The following PCIF1 variants were observed in gnomAD, a reference collection of about 807,000 sequenced individuals.
PCIF1 encodes the protein mRNA (2'-O-methyladenosine-N(6)-)-methyltransferase.
In PCIF1, 12 loss-of-function variants were observed where a neutral mutation model predicts 86.9. The observed-to-expected ratio is 0.14, with a 90% confidence interval of 0.09 to 0.22. The LOEUF (loss-of-function observed/expected upper bound fraction) is 0.22. Ranked by LOEUF, PCIF1 falls within the 10% of genes least tolerant of loss-of-function variation. The pLI, the probability that PCIF1 is intolerant of heterozygous loss-of-function variation, is 1.00. For missense variants in PCIF1, 701 were observed against 951.1 expected (o/e 0.74, Z 3.46); for synonymous variants, 397 against 372.0 (o/e 1.07, Z -0.77).
At position 45,947,477 on chromosome 20, in the gene PCIF1, G is replaced by C. The variant is rs778151642; in HGVS notation, c.1883+39G>C. ...AGGGCAGGGGAAGGAGGCTGGGCTGGCCAGGCCAGGCCCAGCCCCACCCTG... is the reference window on the plus strand; with the variant it reads ...AGGGCAGGGGAAGGAGGCTGGGCTGCCCAGGCCAGGCCCAGCCCCACCCTG... On this transcript the variant is annotated intron_variant, in intron 16 of 16. Coordinates refer to ENST00000372409, the MANE Select transcript of PCIF1 (RefSeq NM_022104.4). The surrounding 1 kb of genome is among the most constrained non-coding windows in gnomAD (Gnocchi z 5.4). 1 of 1,612,944 alleles carries C rather than the reference G, an allele frequency of 6.2e-7. No individual in the cohort carries two copies. Among genetic ancestry groups the C allele is most frequent in the Non-Finnish European group, 8.5e-7 (1 of 1,179,826 alleles).
chr20:45,947,979 A>G lies in PCIF1; in HGVS notation c.*224A>G. 1 of 1,525,284 alleles carries G rather than the reference A, an allele frequency of 6.6e-7. No individual in the cohort carries two copies. Among genetic ancestry groups the G allele is most frequent in the Non-Finnish European group, 8.8e-7 (1 of 1,139,988 alleles). 94.5% of individuals were successfully genotyped at this position (1,525,284 alleles called of 1,614,324 possible). On this transcript the variant is annotated 3_prime_UTR_variant, in exon 17 of 17. Transcript: ENST00000372409. The surrounding 1 kb of genome is among the most constrained non-coding windows in gnomAD (Gnocchi z 5.4). Reference sequence around the variant, plus strand: ...CAACCCCGCCCCTCACCCTGTTGCCACCTTGTTTCATTTGTAAAAGGAAAT... The same window carrying G: ...CAACCCCGCCCCTCACCCTGTTGCCGCCTTGTTTCATTTGTAAAAGGAAAT...
chr20:45,945,596 G>T, intron 11 of PCIF1, 115 bp from the exon 12 acceptor site: 1 of 1,279,250 alleles, frequency 7.8e-7, no homozygotes, highest in Non-Finnish European at 1.1e-6. Flanking sequence ...AACTGGGCCA[G>T]AGTATACTGA....
intron 7 of PCIF1, among the ~76,000 whole-genome samples, chr20:45,942,766 CTTTTTTTTTTTT>C (rs780815783): frequency 3.8e-3 from 272 of 71,758 alleles, no homozygotes; most frequent in Non-Finnish European, 6.3e-3. Context: ...CAGCTAATTT[CTTTTTTTTTTTT>C]TTTTTTTTTT....
At chr20:45,942,874 A>C (rs1226254699) in intron 7 of PCIF1, among the ~76,000 whole-genome samples, 2 of 147,168 alleles carry the variant, frequency 1.4e-5, no homozygotes. Context: ...TAGCCTTCCA[A>C]AGTGCTGAGA....
intron 1 of PCIF1, among the ~76,000 whole-genome samples, chr20:45,935,258 G>T (rs570079736): frequency 6.6e-6 from 1 of 151,974 alleles, no homozygotes; most frequent in Admixed American, 6.5e-5. Flanking sequence ...TGCGTACTTT[G>T]TTCGCCCTTT....
intron 1 of PCIF1, among the ~76,000 whole-genome samples, chr20:45,935,641 A>T (rs1032700906): frequency 1.3e-5 from 2 of 152,192 alleles, no homozygotes; most frequent in African/African-American, 4.8e-5. Context: ...CAAGTCACAT[A>T]GGAAATTAAA....
Position 45,947,849 on chromosome 20 carries a change from A to T in PCIF1, c.*94A>T. ...CTCAGAGGGACCCCGGCTGCCACTGACATATGAAGATTATGGTTCTGCCAG... is the reference window on the plus strand; with the variant it reads ...CTCAGAGGGACCCCGGCTGCCACTGTCATATGAAGATTATGGTTCTGCCAG... On this transcript the variant is annotated 3_prime_UTR_variant, in exon 17 of 17. Transcript: ENST00000372409. The surrounding 1 kb of genome is among the most constrained non-coding windows in gnomAD (Gnocchi z 5.4). The T allele has an allele frequency of 6.5e-7, 1 of 1,536,394 alleles. No individual in the cohort carries two copies. The highest frequency in any genetic ancestry group is 8.7e-7 in the Non-Finnish European group (1 of 1,152,260).
chr20:45,946,236 C>G lies in PCIF1; in HGVS notation c.1465C>G (p.Leu489Val), dbSNP rs1471920675. The G allele has an allele frequency of 6.2e-7, 1 of 1,614,212 alleles. No homozygotes were observed. Among genetic ancestry groups the G allele is most frequent in the Non-Finnish European group, 8.5e-7 (1 of 1,180,046 alleles). ...CGTGGGCCTCTACGAGGGGACTGGC[C>G]TGCAGGGATCGCTGCCTGTGCATGT... ...FGVGLYEGTG[L>V]QGSLPVHVFE... Residue 489 changes from leucine (L) to valine (V), a missense_variant, in exon 14 of 17, where the codon CTG becomes GTG. Around this residue, in one of 7 missense-constraint regions of PCIF1, gnomAD observed 61 missense variants for 118.5 expected, o/e 0.51. Coordinates refer to ENST00000372409, the MANE Select transcript of PCIF1 (RefSeq NM_022104.4).
chr20:45,942,047 C>T (rs1295982356), intron 7 of PCIF1, among the ~76,000 whole-genome samples: 2 of 148,740 alleles, frequency 1.3e-5, no homozygotes, highest in Admixed American at 1.4e-4. Context: ...GTGATCTCGG[C>T]TCACTGCAAC....
Position 45,944,863 on chromosome 20 carries a change from T to C in PCIF1, c.1006-5T>C, listed in dbSNP as rs1266237446. 1.2e-6 allele frequency: 2 copies of C among 1,612,192 alleles called. No individual in the cohort carries two copies. Among genetic ancestry groups the C allele is most frequent in the Admixed American group, 3.3e-5 (2 of 59,946 alleles). ...TAGCGCCCTGATCCAGAATGTGTCCTCTAGGATCGCCTGGAGCATCTGCGG... is the reference window on the plus strand; with the variant it reads ...TAGCGCCCTGATCCAGAATGTGTCCCCTAGGATCGCCTGGAGCATCTGCGG... On this transcript the variant is annotated splice_region_variant and splice_polypyrimidine_tract_variant and intron_variant, in intron 10 of 16. Coordinates refer to ENST00000372409, the MANE Select transcript of PCIF1 (RefSeq NM_022104.4).
intron 1 of PCIF1, 147 bp downstream of exon 1, chr20:45,934,951 G>A (rs896032689): frequency 7.6e-6 from 3 of 395,878 alleles, no homozygotes; most frequent in African/African-American, 4.1e-5. Flanking sequence ...TAGACCCGCG[G>A]GTGGGCGGCC....
rs1360502375 is a variant in PCIF1, at chr20:45,947,850, CAT to C, written c.*98_*99del. The stretch of plus-strand genomic sequence containing the variant: ...TCAGAGGGACCCCGGCTGCCACTGA[CAT>C]ATGAAGATTATGGTTCTGCCAGGGC... On this transcript the variant is annotated 3_prime_UTR_variant, in exon 17 of 17. Transcript: ENST00000372409. The surrounding 1 kb of genome is among the most constrained non-coding windows in gnomAD (Gnocchi z 5.4). The C allele has an allele frequency of 2.9e-5, 44 of 1,539,222 alleles. No homozygotes were observed. The highest frequency in any genetic ancestry group is 3.6e-5 in the Non-Finnish European group (42 of 1,152,862).
At chr20:45,945,158 C>A in intron 11 of PCIF1, 128 bp downstream of exon 11, 1 of 1,118,930 alleles carries the variant, frequency 8.9e-7, no homozygotes, top group Non-Finnish European at 1.2e-6. Context: ...TGTCCTTTGG[C>A]TGTACTTCTC....
At position 45,947,825 on chromosome 20, in the gene PCIF1, T is replaced by G; in HGVS notation, c.*70T>G. The G allele has an allele frequency of 1.3e-6, 2 of 1,536,996 alleles. No individual in the cohort carries two copies. The highest frequency in any genetic ancestry group is 1.7e-6 in the Non-Finnish European group (2 of 1,156,022). On this transcript the variant is annotated 3_prime_UTR_variant, in exon 17 of 17. Transcript: ENST00000372409. This position sits in a 1 kb window ranked among gnomAD's most constrained non-coding sequence, Gnocchi z 5.4. ...TGCTGGGACTCGGGCCCCTGGGGCC[T>G]CAGAGGGACCCCGGCTGCCACTGAC...
Position 45,945,855 on chromosome 20 carries a change from A to G in PCIF1, c.1313A>G (p.Lys438Arg). Residue 438 changes from lysine to arginine, a missense_variant, in exon 12 of 17, where the codon AAG (lysine) becomes AGG (arginine). Lys to Arg is a conservative substitution (Grantham distance 26). Around this residue, in one of 7 missense-constraint regions of PCIF1, gnomAD observed 121 missense variants for 131.7 expected, o/e 0.92. Coordinates refer to ENST00000372409, the MANE Select transcript of PCIF1 (RefSeq NM_022104.4). ...ATCCGGTATAAGGGAGAGATGGTCA[A>G]GGTCAGCCGCAACTACTTCAGCAAG... The part of the protein sequence containing the change: ...VCIRYKGEMV[K>R]VSRNYFSKLW... The G allele has an allele frequency of 6.2e-7, 1 of 1,613,824 alleles. No individual in the cohort carries two copies.
In PCIF1 at chr20:45,947,441, G is replaced by A. The variant is rs1184215266; in HGVS notation, c.1883+3G>A. On this transcript the variant is annotated splice_donor_region_variant and intron_variant, in intron 16 of 16. Transcript: ENST00000372409. The surrounding 1 kb of genome is among the most constrained non-coding windows in gnomAD (Gnocchi z 5.4). ...GGCTCCCAGCACATCTGCAAGAAGT[G>A]GGTGCCAGGGAGGGCAGGGGAAGGA... is the stretch of plus-strand genomic sequence containing the variant. The A allele has an allele frequency of 1.9e-6, 3 of 1,613,716 alleles. No individual in the cohort carries two copies. Among genetic ancestry groups the A allele is most frequent in the Non-Finnish European group, 2.5e-6 (3 of 1,179,998 alleles).
chr20:45,935,054 G>T (rs550265003), intron 1 of PCIF1, among the ~76,000 whole-genome samples: 8 of 152,014 alleles, frequency 5.3e-5, no homozygotes, highest in Non-Finnish European at 1.2e-4. Context: ...CACCGCCTTT[G>T]TGTCGGGCTC....
Position 45,936,417 on chromosome 20 carries a change from C to T in PCIF1, c.-187-1001C>T, listed in dbSNP as rs184275119. Reference sequence around the variant, plus strand: ...TGTTAGCTAGGATGGTCCCGATCTCCTGACCTCGTGATCCGCCCATCTGGG... The same window carrying T: ...TGTTAGCTAGGATGGTCCCGATCTCTTGACCTCGTGATCCGCCCATCTGGG... On this transcript the variant is annotated intron_variant, in intron 1 of 16. Coordinates refer to ENST00000372409, the MANE Select transcript of PCIF1 (RefSeq NM_022104.4). 2.6e-3 allele frequency among the ~76,000 whole-genome samples: 392 copies of T among 148,100 alleles called. 5 individuals are homozygous for T. Among genetic ancestry groups the T allele is most frequent in the Middle Eastern group, 3.5e-3 (1 of 288 alleles).
intron 6 of PCIF1, 42 bp from the exon 7 acceptor site, chr20:45,941,010 TG>T: frequency 6.2e-7 from 1 of 1,613,900 alleles, no homozygotes; most frequent in Non-Finnish European, 8.5e-7. Context: ...TGGGGTGGTG[TG>T]GGTGGGCAGG....
Sources: gnomAD v4.1 joint callset for allele counts (sites outside exome capture counted in the v4.1 genomes callset) on GRCh38, gnomAD v4.1.1 for gene constraint, gnomAD v4.1.1 regional missense constraint, Gnocchi (gnomAD v3.1) non-coding constraint, MANE v1.5 for transcripts, NCBI Gene and HGNC (gene_info 2026-07-23, HGNC 2026-07-21) for gene names.